CRB1: variants seen among roughly 807,000 people sequenced by gnomAD.
CRB1 encodes the protein crumbs cell polarity complex component 1.
Under a neutral mutation model 120.0 loss-of-function variants are expected in CRB1, and 83 were observed. The observed-to-expected ratio is 0.69, with a 90% CI of 0.58 to 0.83. The LOEUF (loss-of-function observed/expected upper bound fraction) is 0.83. CRB1 is among the 40% of genes least tolerant of loss of function. CRB1 has a pLI of 0.00. For synonymous variants in CRB1, 625 were observed against 612.5 expected, an observed-to-expected ratio of 1.02 and a Z score of -0.30; for missense variants, 1,699 against 1,687.6, an observed-to-expected ratio of 1.01 and a Z score of -0.12.
intron 11 of CRB1, chr1:197,444,729 C>T (rs1392293154): frequency 2.0e-5 from 3 of 152,106 alleles, no homozygotes; most frequent in Non-Finnish European, 4.4e-5. Context: ...AATGTTTTCC[C>T]TTTTCTTTTT....
the CRB1 span, among the ~76,000 whole-genome samples, chr1:197,238,684 A>T: frequency 6.6e-6 from 1 of 152,084 alleles, no homozygotes; most frequent in Non-Finnish European, 1.5e-5. Context: ...CATCTCTACT[A>T]AAAATACAAA....
Position 197,477,950 on chromosome 1 carries a change from A to T in CRB1, c.*71A>T. ...GATGACTGTACTTCAGGTATCTCTG[A>T]CATACCTGACAATGTTAATCTGCAA... On this transcript the variant is annotated 3_prime_UTR_variant, in exon 12 of 12. Coordinates refer to ENST00000367400, the MANE Select transcript of CRB1 (RefSeq NM_201253.3). 1 of 1,405,990 alleles carries T rather than the reference A, an allele frequency of 7.1e-7. No individual in the cohort carries two copies. The highest frequency in any genetic ancestry group is 1.0e-6 in the Non-Finnish European group (1 of 991,472). 87.1% of individuals were successfully genotyped at this position (1,405,990 alleles called of 1,614,324 possible). A position where few individuals can be genotyped will look rare whatever the true frequency, so the allele number is the denominator to read the frequency against.
At chr1:197,380,808 C>A (rs994464081) in intron 5 of CRB1, among the ~76,000 whole-genome samples, 1 of 152,184 alleles carries the variant, frequency 6.6e-6, no homozygotes, top group Non-Finnish European at 1.5e-5. Context: ...GTGCTTTGAT[C>A]CATCCTGTCT....
chr1:197,269,678 A>C (rs1244950617), intron 1 of CRB1, among the ~76,000 whole-genome samples: 4 of 152,148 alleles, frequency 2.6e-5, no homozygotes, highest in Non-Finnish European at 1.5e-5. Context: ...ATAAGTCATA[A>C]AATGAATGTG....
At chr1:197,311,143 A>G (rs568418567) in intron 1 of CRB1, among the ~76,000 whole-genome samples, 1 of 152,358 alleles carries the variant, frequency 6.6e-6, no homozygotes, top group South Asian at 2.1e-4. Flanking sequence ...AATAACTTAA[A>G]TGTTCCTTGC....
At position 197,434,916 on chromosome 1, in the gene CRB1, T is replaced by C; in HGVS notation, c.3053T>C (p.Phe1018Ser). The C allele has an allele frequency of 6.2e-7, 1 of 1,613,872 alleles. No individual in the cohort carries two copies. The highest frequency in any genetic ancestry group is 1.3e-5 in the African/African-American group (1 of 75,004). ...TTTCAATTGCAAAGTGGCAACAGCT[T>C]TTATATGCTAAGTCTGACAAGTTTG... is the stretch of plus-strand genomic sequence containing the variant. ...LFFQLQSGNS[F>S]YMLSLTSLQS... is the part of the protein sequence containing the mutation. Residue 1018 changes from phenylalanine to serine, a missense_variant, in exon 9 of 12, where the codon TTT becomes TCT. Physicochemically the swap from Phe to Ser is radical, Grantham distance 155. Coordinates refer to ENST00000367400, the MANE Select transcript of CRB1 (RefSeq NM_201253.3).
chr1:197,371,234 C>A (rs755715203), intron 5 of CRB1, among the ~76,000 whole-genome samples: 1 of 152,100 alleles, frequency 6.6e-6, no homozygotes, highest in Non-Finnish European at 1.5e-5. Context: ...ACTTGCCTGA[C>A]AAAGGTACAA....
At chr1:197,265,319 T>A (rs1654607487), upstream of CRB1, among the ~76,000 whole-genome samples, 1 of 150,016 alleles carries the variant, frequency 6.7e-6, no homozygotes, top group Admixed American at 6.6e-5. Context: ...CCTTTCTTTC[T>A]TCCTTCCTTT....
the CRB1 span, among the ~76,000 whole-genome samples, chr1:197,255,766 G>A: frequency 6.6e-6 from 1 of 151,674 alleles, no homozygotes; most frequent in Non-Finnish European, 1.5e-5. Context: ...CAAATTTAAT[G>A]AGTGATTCAG....
At chr1:197,355,302 C>T (rs151124346) in intron 4 of CRB1, among the ~76,000 whole-genome samples, 63 of 152,346 alleles carry the variant, frequency 4.1e-4, no homozygotes, top group South Asian at 3.9e-3. Context: ...AGACATAATC[C>T]GTACTAGACT....
chr1:197,384,038 G>A (rs957575187), intron 5 of CRB1, among the ~76,000 whole-genome samples: 1 of 152,166 alleles, frequency 6.6e-6, no homozygotes, highest in Non-Finnish European at 1.5e-5. Flanking sequence ...GGTTTATTCA[G>A]CAGATGTAAT....
chr1:197,288,725 G>T (rs73069833), intron 1 of CRB1, among the ~76,000 whole-genome samples: 2 of 151,598 alleles, frequency 1.3e-5, no homozygotes, highest in South Asian at 2.1e-4. Context: ...CAAATTAGAC[G>T]TTGAAGGGAA....
intron 2 of CRB1, among the ~76,000 whole-genome samples, chr1:197,337,412 C>T (rs1278990425): frequency 6.6e-6 from 1 of 152,110 alleles, no homozygotes; most frequent in Admixed American, 6.6e-5. Flanking sequence ...CAGGCTCAGC[C>T]TAGATGTTCT....
intron 11 of CRB1, among the ~76,000 whole-genome samples, chr1:197,454,912 G>A (rs1383582057): frequency 6.6e-6 from 1 of 152,134 alleles, no homozygotes; most frequent in South Asian, 2.1e-4. Context: ...ACAAAAAAGT[G>A]TGTTTGTGCT....
At chr1:197,430,043 G>A (rs1018680410) in intron 8 of CRB1, among the ~76,000 whole-genome samples, 7 of 151,990 alleles carry the variant, frequency 4.6e-5, no homozygotes, top group African/African-American at 1.5e-4. Flanking sequence ...CTACTTCTTC[G>A]GTTTCTTTGT....
intron 1 of CRB1, among the ~76,000 whole-genome samples, chr1:197,327,574 G>C (rs1489549633): frequency 2.0e-5 from 3 of 152,066 alleles, no homozygotes; most frequent in African/African-American, 7.2e-5. Flanking sequence ...ACTGTTATTT[G>C]GGTCTTCATC....
rs1052159142 is a variant in CRB1, at chr1:197,328,825, A to C, written c.474A>C (p.Gln158His). Residue 158 changes from glutamine (Q) to histidine (H), a missense_variant, in exon 2 of 12, where the codon CAA becomes CAC. Coordinates refer to ENST00000367400, the MANE Select transcript of CRB1 (RefSeq NM_201253.3). ...ATGAGTGTGCTTCCAGCCCTTGCCAAAATGGGGCCGTGTGCCAGGATGGAA... is the reference window on the plus strand; with the variant it reads ...ATGAGTGTGCTTCCAGCCCTTGCCACAATGGGGCCGTGTGCCAGGATGGAA... ...DHDECASSPCQNGAVCQDGID... is the reference protein window; with the variant it reads ...DHDECASSPCHNGAVCQDGID... 8 of 1,614,028 alleles carry C rather than the reference A, an allele frequency of 5.0e-6. No homozygotes were observed. Among genetic ancestry groups the C allele is most frequent in the African/African-American group, 1.3e-5 (1 of 74,938 alleles).
At chr1:197,227,399 T>C in the CRB1 span, among the ~76,000 whole-genome samples, 1 of 143,700 alleles carries the variant, frequency 7.0e-6, no homozygotes, top group Non-Finnish European at 1.5e-5. Flanking sequence ...TTTTCTTTTT[T>C]TTTTTTTTTT....
chr1:197,310,559 T>C (rs1050028821), intron 1 of CRB1, among the ~76,000 whole-genome samples: 5 of 152,196 alleles, frequency 3.3e-5, no homozygotes, highest in Non-Finnish European at 7.3e-5. Context: ...TTTTGAAATG[T>C]ATTTTTACCA....
Sources: allele counts gnomAD v4.1 joint callset (sites outside exome capture counted in the v4.1 genomes callset), GRCh38; gene constraint gnomAD v4.1.1; transcripts MANE v1.5; gene names NCBI Gene and HGNC (gene_info 2026-07-23, HGNC 2026-07-21).